NUBPL: variants seen among roughly 807,000 people sequenced by gnomAD.
The protein encoded by NUBPL is iron-sulfur cluster transfer protein NUBPL.
Under a neutral mutation model 45.7 loss-of-function variants are expected in NUBPL, and 31 were observed. That is an observed-to-expected ratio of 0.68 (90% CI 0.51 to 0.92). The LOEUF is 0.92. NUBPL is among the 40% of genes least tolerant of loss of function. NUBPL has a pLI of 0.00. For synonymous variants in NUBPL, 144 were observed against 140.9 expected, an observed-to-expected ratio of 1.02 and a Z score of -0.15; for missense variants, 401 against 398.7, an observed-to-expected ratio of 1.01 and a Z score of -0.05.
chr14:31,646,974 C>T (rs542253284), intron 4 of NUBPL, among the ~76,000 whole-genome samples: 34 of 152,038 alleles, frequency 2.2e-4, no homozygotes, highest in African/African-American at 8.0e-4. Flanking sequence ...TTTGCTTGAT[C>T]CAGTCTGCTG....
At position 31,561,649 on chromosome 14, in the gene NUBPL, C is replaced by A. The variant is rs116414156; in HGVS notation, c.108+102C>A. ...TTCTTGCCAAAGACTCGCCTCAGTT[C>A]CTGAGACCCCCAGTGTGCTGGACGT... On this transcript the variant is annotated intron_variant, in intron 1 of 10. Transcript: ENST00000281081. 4.5e-4 allele frequency: 346 copies of A among 767,332 alleles called. No individual in the cohort carries two copies. The African/African-American group carries it at 5.5e-3, about 12-fold the overall frequency. 47.5% of individuals were successfully genotyped at this position (767,332 alleles called of 1,614,324 possible). A position where few individuals can be genotyped will look rare whatever the true frequency, so the allele number is the denominator to read the frequency against.
At chr14:31,653,307 G>T (rs575474882) in intron 4 of NUBPL, among the ~76,000 whole-genome samples, 1 of 152,268 alleles carries the variant, frequency 6.6e-6, no homozygotes, top group Admixed American at 6.5e-5. Context: ...CCACTCTAGT[G>T]AGCCTGAGAG....
intron 4 of NUBPL, among the ~76,000 whole-genome samples, chr14:31,645,469 G>A (rs1280977891): frequency 6.6e-6 from 1 of 152,082 alleles, no homozygotes; most frequent in Non-Finnish European, 1.5e-5. Context: ...TACATTCAGT[G>A]TTTTCATTGA....
intron 4 of NUBPL, among the ~76,000 whole-genome samples, chr14:31,669,950 A>C (rs773845576): frequency 3.3e-5 from 5 of 151,918 alleles, no homozygotes; most frequent in Non-Finnish European, 4.4e-5. Flanking sequence ...ATTTGTGTGC[A>C]TGTGTCTTTA....
intron 7 of NUBPL, among the ~76,000 whole-genome samples, chr14:31,815,929 C>T (rs1306620349): frequency 2.6e-5 from 4 of 152,066 alleles, no homozygotes; most frequent in South Asian, 2.1e-4. Flanking sequence ...CTGCTGGATT[C>T]GGTTTGCCAG....
intron 6 of NUBPL, among the ~76,000 whole-genome samples, chr14:31,718,483 C>T (rs776712205): frequency 6.6e-6 from 1 of 151,908 alleles, no homozygotes; most frequent in Non-Finnish European, 1.5e-5. Context: ...GTCATATGGC[C>T]AGAAATGTTG....
chr14:31,793,819 C>T (rs1423532370), intron 7 of NUBPL, among the ~76,000 whole-genome samples: 1 of 125,908 alleles, frequency 7.9e-6, no homozygotes. Flanking sequence ...TTTGTGCCCC[C>T]TTATCTTTCT....
intron 3 of NUBPL, among the ~76,000 whole-genome samples, chr14:31,567,655 A>C (rs2033472224): frequency 1.3e-5 from 2 of 152,218 alleles, no homozygotes; most frequent in South Asian, 4.1e-4. Flanking sequence ...TTCCAAAAAA[A>C]AGGTTGTACC....
At chr14:31,636,195 T>G (rs1267456892) in intron 4 of NUBPL, among the ~76,000 whole-genome samples, 1 of 152,122 alleles carries the variant, frequency 6.6e-6, no homozygotes, top group Admixed American at 6.5e-5. Flanking sequence ...GCTTCCAGTT[T>G]TTGCCCATTC....
chr14:31,738,348 A>C (rs1417610490), intron 6 of NUBPL, among the ~76,000 whole-genome samples: 3 of 152,150 alleles, frequency 2.0e-5, no homozygotes, highest in Admixed American at 2.0e-4. Flanking sequence ...ACCTTACAGA[A>C]CTGTGATCAG....
intron 6 of NUBPL, among the ~76,000 whole-genome samples, chr14:31,720,524 C>G (rs2037785036): frequency 6.6e-6 from 1 of 152,188 alleles, no homozygotes; most frequent in Admixed American, 6.5e-5. Context: ...GTAGCCTTCC[C>G]TGAAAACACT....
At chr14:31,662,405 G>A (rs1220134094) in intron 4 of NUBPL, among the ~76,000 whole-genome samples, 2 of 151,778 alleles carry the variant, frequency 1.3e-5, no homozygotes, top group African/African-American at 4.8e-5. Flanking sequence ...ATCTGTCAAC[G>A]TGTCATCTAG....
intron 6 of NUBPL, among the ~76,000 whole-genome samples, chr14:31,692,156 A>G (rs967253574): frequency 6.6e-6 from 1 of 152,142 alleles, no homozygotes; most frequent in Admixed American, 6.5e-5. Flanking sequence ...ATTTGAAACA[A>G]TTTCCTTTTA....
chr14:31,693,295 G>A (rs1189188480), intron 6 of NUBPL, among the ~76,000 whole-genome samples: 1 of 152,078 alleles, frequency 6.6e-6, no homozygotes, highest in Non-Finnish European at 1.5e-5. Context: ...GATATATTCA[G>A]CCTCTTAAGA....
rs1414492048 is a variant in NUBPL, at chr14:31,639,207, C to G, written c.383-34148C>G. 2.0e-5 allele frequency among the ~76,000 whole-genome samples: 3 copies of G among 152,090 alleles called. No homozygotes were observed. In the East Asian group the frequency reaches 5.8e-4, roughly 29 times the overall value. ...TTTTTCTGCTCCATTTTTTCCCCAT[C>G]TTTGTGGTTTTGTCTACTTTTGGTC... On this transcript the variant is annotated intron_variant, in intron 4 of 10. Transcript: ENST00000281081.
chr14:31,818,709 C>T (rs573475737), intron 7 of NUBPL, among the ~76,000 whole-genome samples: 16 of 152,230 alleles, frequency 1.1e-4, no homozygotes, highest in South Asian at 4.1e-4. Flanking sequence ...CCACCACGCC[C>T]GGCTAATGTT....
chr14:31,631,374 A>G (rs911290263), intron 4 of NUBPL, among the ~76,000 whole-genome samples: 3 of 151,962 alleles, frequency 2.0e-5, no homozygotes, highest in Admixed American at 2.0e-4. Context: ...AGTCAGATGA[A>G]TCCATCATCT....
chr14:31,625,554 C>A (rs534592400), intron 4 of NUBPL, among the ~76,000 whole-genome samples: 48 of 150,944 alleles, frequency 3.2e-4, no homozygotes, highest in Admixed American at 1.2e-3. Context: ...CTGCTCACTG[C>A]AACCTCTGCT....
At chr14:31,814,868 A>C (rs1391714225) in intron 7 of NUBPL, among the ~76,000 whole-genome samples, 3 of 152,062 alleles carry the variant, frequency 2.0e-5, no homozygotes, top group Middle Eastern at 3.2e-3. Context: ...GTTATTTCTG[A>C]GGCCTCTGTT....
Sources: allele counts gnomAD v4.1 joint callset (sites outside exome capture counted in the v4.1 genomes callset), GRCh38; gene constraint gnomAD v4.1.1; transcripts MANE v1.5; gene names NCBI Gene and HGNC (gene_info 2026-07-23, HGNC 2026-07-21).